Variants in STAB2 observed in about 807,000 individuals in gnomAD.
STAB2 encodes the protein stabilin-2.
Under a neutral mutation model 338.1 loss-of-function variants are expected in STAB2, and 288 were observed. The ratio of observed to expected loss-of-function variants is 0.85; its 90% CI spans 0.77 to 0.94. The LOEUF is 0.94. STAB2 is among the 40% of genes least tolerant of loss of function. The probability of loss-of-function intolerance (pLI) is 0.00; values close to 1 mark genes in which losing one functional copy is unlikely to be tolerated. For missense variants in STAB2, 3,141 were observed against 3,210.1 expected, an observed-to-expected ratio of 0.98 and a Z score of 0.52; for synonymous variants, 1,202 against 1,193.3, an observed-to-expected ratio of 1.01 and a Z score of -0.15.
chr12:103,754,487 G>A (rs1229101973), intron 61 of STAB2, among the ~76,000 whole-genome samples: 1 of 152,038 alleles, frequency 6.6e-6, no homozygotes, highest in Non-Finnish European at 1.5e-5. Flanking sequence ...AGTTAAAGGT[G>A]TTGACACATG....
Position 103,759,140 on chromosome 12 carries a change from C to G in STAB2, c.7115C>G (p.Ser2372Cys). Residue 2372 changes from serine (S) to cysteine (C), a missense_variant, in exon 65 of 69, where the codon TCT becomes TGT. Coordinates refer to ENST00000388887, the MANE Select transcript of STAB2 (RefSeq NM_017564.10). ...TTTCTCCTTTTTTCTCAGACCTTGT[C>G]TGGGCGGGACATCGAGCACCACCTC... ...NSGLGENETL[S>C]GRDIEHHLAN... 6.2e-7 allele frequency: 1 copy of G among 1,614,162 alleles called. No individual in the cohort carries two copies. The highest frequency in any genetic ancestry group is 8.5e-7 in the Non-Finnish European group (1 of 1,180,036).
intron 22 of STAB2, among the ~76,000 whole-genome samples, chr12:103,671,583 G>A (rs1875794801): frequency 6.6e-6 from 1 of 152,162 alleles, no homozygotes; most frequent in African/African-American, 2.4e-5. Context: ...TGTAAAATGG[G>A]GATGATGAAA....
Position 103,695,628 on chromosome 12 carries a change from A to G in STAB2, c.3454A>G (p.Ile1152Val), listed in dbSNP as rs770820702. The change falls in exon 32 of 69, where the codon ATC becomes GTC. Residue 1152 changes from isoleucine to valine, a missense_variant. Physicochemically the swap from Ile to Val is conservative, Grantham distance 29. Transcript: ENST00000388887. ...GCTGGAACAGATGCCTGACTATTCC[A>G]TCTTCCGGGGCTACATCATTGCAAG... Reference protein sequence around the residue: ...MRLEQMPDYSIFRGYIIQYNL... With the variant: ...MRLEQMPDYSVFRGYIIQYNL... 8 of 1,614,102 alleles carry G rather than the reference A, an allele frequency of 5.0e-6. No homozygotes were observed. The highest frequency in any genetic ancestry group is 6.8e-6 in the Non-Finnish European group (8 of 1,180,022).
intron 59 of STAB2, 115 bp from the exon 60 acceptor site, chr12:103,750,464 G>T: frequency 4.4e-6 from 6 of 1,356,198 alleles, no homozygotes; most frequent in Non-Finnish European, 6.1e-6. Flanking sequence ...GGAAAGGCAC[G>T]TTCTCTTGGT....
intron 50 of STAB2, among the ~76,000 whole-genome samples, chr12:103,732,451 C>T (rs892107288): frequency 1.3e-5 from 2 of 152,212 alleles, no homozygotes; most frequent in Non-Finnish European, 2.9e-5. Flanking sequence ...TTCCCTGATA[C>T]TCAACCCTGA....
At chr12:103,729,088 T>A (rs1254773216) in intron 48 of STAB2, 93 bp downstream of exon 48, 2 of 1,271,336 alleles carry the variant, frequency 1.6e-6, no homozygotes, top group East Asian at 2.3e-5. Context: ...CTCAGCAAAC[T>A]AATGCAGGAA....
intron 2 of STAB2, 43 bp from the exon 3 acceptor site, chr12:103,594,352 A>G (rs1956843410): frequency 6.9e-7 from 1 of 1,443,524 alleles, no homozygotes; most frequent in Non-Finnish European, 9.8e-7. Context: ...GAGTAACTGC[A>G]TTGCTCTTAT....
intron 39 of STAB2, 100 bp from the exon 40 acceptor site, chr12:103,711,371 A>G: frequency 6.8e-7 from 1 of 1,478,050 alleles, no homozygotes. Flanking sequence ...CATGATACAT[A>G]TCACTTCCAA....
At chr12:103,716,445 C>T (rs931930001) in intron 43 of STAB2, among the ~76,000 whole-genome samples, 1 of 152,148 alleles carries the variant, frequency 6.6e-6, no homozygotes, top group Non-Finnish European at 1.5e-5. Flanking sequence ...GTTCGGCCTT[C>T]CTCAGTTTCT....
chr12:103,705,330 G>A (rs918589477), intron 36 of STAB2, among the ~76,000 whole-genome samples: 2 of 152,176 alleles, frequency 1.3e-5, no homozygotes, highest in Non-Finnish European at 2.9e-5. Flanking sequence ...GTGCTGGAAG[G>A]ACATTTTTAC....
chr12:103,678,410 G>A (rs767043462), intron 25 of STAB2, among the ~76,000 whole-genome samples: 55 of 152,282 alleles, frequency 3.6e-4, no homozygotes, highest in Non-Finnish European at 6.6e-4. Flanking sequence ...TCATTTCTGT[G>A]CACAAGTTAA....
chr12:103,598,090 C>T (rs1956903038), intron 3 of STAB2, among the ~76,000 whole-genome samples: 2 of 152,128 alleles, frequency 1.3e-5, no homozygotes, highest in Admixed American at 6.5e-5. Flanking sequence ...TTAGGCATTT[C>T]CTTTTTTGCT....
At chr12:103,749,841 CAAAAAAAAAAAAAAAAA>C (rs369556936) in intron 59 of STAB2, among the ~76,000 whole-genome samples, 5 of 51,132 alleles carry the variant, frequency 9.8e-5, no homozygotes, top group African/African-American at 2.8e-4. Flanking sequence ...CTCTGTCTCA[CAAAAAAAAAAAAAAAAA>C]AAAAAAAAAA....
At chr12:103,643,671 G>T (rs1458408443) in intron 9 of STAB2, among the ~76,000 whole-genome samples, 2 of 152,084 alleles carry the variant, frequency 1.3e-5, no homozygotes, top group African/African-American at 4.8e-5. Context: ...TAACTTCTCT[G>T]TGCTTCAGTT....
At chr12:103,603,647 G>A (rs1956986433) in intron 3 of STAB2, among the ~76,000 whole-genome samples, 3 of 152,130 alleles carry the variant, frequency 2.0e-5, no homozygotes, top group African/African-American at 7.2e-5. Flanking sequence ...ATGAAGTAGT[G>A]TAAGTCCTCC....
chr12:103,645,275 G>A (rs1273690266), intron 9 of STAB2, among the ~76,000 whole-genome samples: 1 of 152,236 alleles, frequency 6.6e-6, no homozygotes, highest in Non-Finnish European at 1.5e-5. Context: ...ACTGAGAACA[G>A]TTAAGTCAGA....
At chr12:103,644,560 A>C (rs951869169) in intron 9 of STAB2, among the ~76,000 whole-genome samples, 1 of 139,006 alleles carries the variant, frequency 7.2e-6, no homozygotes, top group Admixed American at 7.0e-5. Context: ...TAAATAAATA[A>C]ATAAATAAAT....
intron 22 of STAB2, among the ~76,000 whole-genome samples, chr12:103,671,065 G>A (rs949922024): frequency 6.6e-6 from 1 of 152,136 alleles, no homozygotes; most frequent in Non-Finnish European, 1.5e-5. Flanking sequence ...GTTCCGAGGG[G>A]GCACTAACAC....
chr12:103,676,318 A>C (rs893346194), intron 24 of STAB2, among the ~76,000 whole-genome samples: 2 of 150,942 alleles, frequency 1.3e-5, no homozygotes, highest in Non-Finnish European at 2.9e-5. Context: ...TGGCCTCCCA[A>C]AGTGCTAGGA....
Sources: allele counts gnomAD v4.1 joint callset (sites outside exome capture counted in the v4.1 genomes callset), GRCh38; gene constraint gnomAD v4.1.1; transcripts MANE v1.5; gene names NCBI Gene and HGNC (gene_info 2026-07-23, HGNC 2026-07-21).